The following GBP7 variants were observed in gnomAD, a reference collection of about 807,000 sequenced individuals.
GBP7 encodes guanylate binding protein 7, also known as guanylate-binding protein 7.
In GBP7, 43 loss-of-function variants were observed where a neutral mutation model predicts 61.3. The ratio of observed to expected loss-of-function variants is 0.70; its 90% CI spans 0.55 to 0.91. The LOEUF (loss-of-function observed/expected upper bound fraction) is 0.91. GBP7 is among the 40% of genes least tolerant of loss of function. The probability of loss-of-function intolerance (pLI) is 0.00; values close to 1 mark genes in which losing one functional copy is unlikely to be tolerated. For missense variants in GBP7, 717 were observed against 740.5 expected, an observed-to-expected ratio of 0.97 and a Z score of 0.37; for synonymous variants, 267 against 271.0, an observed-to-expected ratio of 0.99 and a Z score of 0.14.
intron 3 of GBP7, among the ~76,000 whole-genome samples, chr1:89,156,093 C>G (rs1570354961): frequency 6.6e-6 from 1 of 152,158 alleles, no homozygotes; most frequent in African/African-American, 2.4e-5. Flanking sequence ...ATTTCATATC[C>G]AGCCAAACTA....
intron 8 of GBP7, among the ~76,000 whole-genome samples, chr1:89,147,317 AT>A (rs1682092059): frequency 6.6e-6 from 1 of 152,242 alleles, no homozygotes; most frequent in Non-Finnish European, 1.5e-5. Context: ...CTATCACATT[AT>A]TTGATAAATA....
At chr1:89,138,427 T>TACA (rs1681860590) in intron 9 of GBP7, among the ~76,000 whole-genome samples, 1 of 151,962 alleles carries the variant, frequency 6.6e-6, no homozygotes, top group Non-Finnish European at 1.5e-5. Flanking sequence ...ATTACAAGAC[T>TACA]ACAATAACCA....
chr1:89,152,545 C>T, intron 4 of GBP7, 81 bp from the exon 5 acceptor site: 4 of 1,505,856 alleles, frequency 2.7e-6, no homozygotes, highest in Non-Finnish European at 9.2e-7. Context: ...ATACACATTC[C>T]CTTTTGCACT....
At chr1:89,168,050 G>T (rs1647491065) in intron 2 of GBP7, among the ~76,000 whole-genome samples, 1 of 152,122 alleles carries the variant, frequency 6.6e-6, no homozygotes, top group South Asian at 2.1e-4. Flanking sequence ...GCCATTATGT[G>T]GAACATTCCA....
intron 9 of GBP7, among the ~76,000 whole-genome samples, chr1:89,139,450 T>C (rs1430206965): frequency 4.0e-4 from 60 of 149,232 alleles, no homozygotes; most frequent in Middle Eastern, 3.4e-3. Flanking sequence ...CAAATGGGAT[T>C]TAATTAAACT....
intron 3 of GBP7, among the ~76,000 whole-genome samples, chr1:89,153,462 G>C (rs1682249008): frequency 6.6e-6 from 1 of 152,190 alleles, no homozygotes; most frequent in Non-Finnish European, 1.5e-5. Flanking sequence ...CTACAGCATA[G>C]TAAGTATGTA....
At chr1:89,132,689 G>A (rs1040691737) in intron 10 of GBP7, among the ~76,000 whole-genome samples, 6 of 152,156 alleles carry the variant, frequency 3.9e-5, no homozygotes, top group Non-Finnish European at 5.9e-5. Flanking sequence ...AATTCTAATT[G>A]ATTCCCCTTT....
Position 89,149,301 on chromosome 1 carries a change from C to G in GBP7, c.1143G>C (p.Lys381Asn), listed in dbSNP as rs1170972280. The G allele has an allele frequency of 6.2e-7, 1 of 1,600,548 alleles. No homozygotes were observed. The highest frequency in any genetic ancestry group is 2.2e-5 in the East Asian group (1 of 44,648). ...AAATAACAAAGATTACCACAAGCTT[C>G]TTCTGAAATTCCTGGCTTTTATCTT... Reference protein sequence around the residue: ...SFKDKSQEFQKKLVDTMEKKK... With the variant: ...SFKDKSQEFQNKLVDTMEKKK... The change falls in exon 7 of 11, where the codon AAG becomes AAC. Residue 381 changes from lysine to asparagine, a missense_variant. Coordinates refer to ENST00000294671, the MANE Select transcript of GBP7 (RefSeq NM_207398.3).
chr1:89,157,504 T>TA lies in GBP7; in HGVS notation c.319-4728dup, dbSNP rs760682881. Among the ~76,000 whole-genome samples, 56 of 151,476 alleles carry TA rather than the reference T, an allele frequency of 3.7e-4. 6 individuals are homozygous for TA. Among genetic ancestry groups the TA allele is most frequent in the Admixed American group, 9.2e-4 (14 of 15,238 alleles). ...AGAGAGAAGAATCAAATAGATGCAA[T>TA]AAAAAACGATATAGGGCATATCACC... On this transcript the variant is annotated intron_variant, in intron 3 of 10. Coordinates refer to ENST00000294671, the MANE Select transcript of GBP7 (RefSeq NM_207398.3).
At chr1:89,151,137 A>G (rs1682187794) in intron 5 of GBP7, among the ~76,000 whole-genome samples, 1 of 152,136 alleles carries the variant, frequency 6.6e-6, no homozygotes, top group African/African-American at 2.4e-5. Flanking sequence ...CTCCTGCAGT[A>G]TATTAGAGCC....
At chr1:89,164,655 G>A (rs541831034) in intron 3 of GBP7, 76 bp downstream of exon 3, 2 of 1,416,912 alleles carry the variant, frequency 1.4e-6, no homozygotes, top group East Asian at 4.7e-5. Context: ...GGCCAGAGAA[G>A]TTGGATTGAT....
At chr1:89,165,928 C>T (rs1402438122) in intron 2 of GBP7, among the ~76,000 whole-genome samples, 1 of 151,980 alleles carries the variant, frequency 6.6e-6, no homozygotes, top group Non-Finnish European at 1.5e-5. Flanking sequence ...ATAAAAAGAC[C>T]AATTTCATTG....
At chr1:89,158,811 A>G (rs1339591308) in intron 3 of GBP7, among the ~76,000 whole-genome samples, 5 of 152,196 alleles carry the variant, frequency 3.3e-5, no homozygotes, top group Non-Finnish European at 7.3e-5. Context: ...ATTCAATGCC[A>G]TCCCCATCAA....
chr1:89,149,858 A>G (rs1289372135), intron 6 of GBP7, among the ~76,000 whole-genome samples: 6 of 138,236 alleles, frequency 4.3e-5, no homozygotes, highest in Non-Finnish European at 9.8e-5. Flanking sequence ...GGTTTCTTGA[A>G]AAAAAAAAAC....
chr1:89,170,345 C>T (rs1053854515), intron 2 of GBP7, among the ~76,000 whole-genome samples: 2 of 152,120 alleles, frequency 1.3e-5, no homozygotes, highest in African/African-American at 2.4e-5. Context: ...TCTGCAGAAA[C>T]GACACTCCTA....
chr1:89,138,871 A>G (rs1041299073), intron 9 of GBP7, among the ~76,000 whole-genome samples: 1 of 152,212 alleles, frequency 6.6e-6, no homozygotes, highest in African/African-American at 2.4e-5. Context: ...AACAAAGGAA[A>G]CTATAAACAG....
Position 89,150,445 on chromosome 1 carries a change from T to C in GBP7, c.756A>G (p.Val252=), listed in dbSNP as rs1303343213. 2 of 1,614,024 alleles carry C rather than the reference T, an allele frequency of 1.2e-6. No homozygotes were observed. Among genetic ancestry groups the C allele is most frequent in the Non-Finnish European group, 8.5e-7 (1 of 1,179,990 alleles). ...DKKLLLHVEE[V]REDQLDSNFQ... ...AATTACTATCCAGTTGGTCTTCTCG[T>C]ACTTCTTCAACATGGAGTAAGAGTT... The change falls in exon 6 of 11, where the codon GTA becomes GTG. Residue 252 remains valine, a synonymous_variant. Coordinates refer to ENST00000294671, the MANE Select transcript of GBP7 (RefSeq NM_207398.3).
intron 5 of GBP7, 110 bp from the exon 6 acceptor site, chr1:89,150,685 A>T: frequency 9.1e-7 from 1 of 1,104,374 alleles, no homozygotes; most frequent in Non-Finnish European, 1.3e-6. Context: ...TGTGTCTGTG[A>T]ATCTACTCTA....
chr1:89,141,754 A>C, intron 8 of GBP7, 106 bp from the exon 9 acceptor site: 1 of 838,630 alleles, frequency 1.2e-6, no homozygotes, highest in Non-Finnish European at 2.0e-6. Context: ...TGTAAACTTC[A>C]CATTATTCTT....
Sources: gnomAD v4.1 joint callset for allele counts (sites outside exome capture counted in the v4.1 genomes callset) on GRCh38, gnomAD v4.1.1 for gene constraint, MANE v1.5 for transcripts, NCBI Gene and HGNC (gene_info 2026-07-23, HGNC 2026-07-21) for gene names.